Variants in IL33 observed in about 807,000 individuals in gnomAD.
IL33 encodes interleukin 33, also known as interleukin-33.
Under a neutral mutation model 27.3 loss-of-function variants are expected in IL33, and 37 were observed. The observed-to-expected ratio is 1.36, with a 90% CI of 1.04 to 1.78. The LOEUF (loss-of-function observed/expected upper bound fraction) is 1.78. IL33 is among the 40% of genes most tolerant of loss of function. The probability of loss-of-function intolerance (pLI) is 0.00; values close to 1 mark genes in which losing one functional copy is unlikely to be tolerated. For synonymous variants in IL33, 132 were observed against 102.9 expected, an observed-to-expected ratio of 1.28 and a Z score of -1.71; for missense variants, 406 against 311.4, an observed-to-expected ratio of 1.30 and a Z score of -2.29.
chr9:6,239,968 G>A (rs976107324), intron 1 of IL33, among the ~76,000 whole-genome samples: 1 of 152,068 alleles, frequency 6.6e-6, no homozygotes, highest in Non-Finnish European at 1.5e-5. Flanking sequence ...CATTCCATAG[G>A]TTTTCTCATG....
Position 6,256,194 on chromosome 9 carries a change from T to TAC in IL33, c.*26_*27insAC. ...TTGATGGAAACCTGTGAGTCTTGGG[T>TAC]TGAGTACCCAAATGCTACCACTGGA... On this transcript the variant is annotated 3_prime_UTR_variant, in exon 8 of 8. Transcript: ENST00000682010. 6.5e-7 allele frequency: 1 copy of TAC among 1,541,042 alleles called. No homozygotes were observed. Among genetic ancestry groups the TAC allele is most frequent in the Non-Finnish European group, 9.0e-7 (1 of 1,115,218 alleles).
chr9:6,233,599 G>T lies in IL33; in HGVS notation c.-11-8085G>T, dbSNP rs540805652. ...AACAAACATATTGAGTCTCTACTGTGCACCAGCTACTGTGCTAAGCGCTGA... is the reference window on the plus strand; with the variant it reads ...AACAAACATATTGAGTCTCTACTGTTCACCAGCTACTGTGCTAAGCGCTGA... On this transcript the variant is annotated intron_variant, in intron 1 of 7. Transcript: ENST00000682010. 3.3e-5 allele frequency among the ~76,000 whole-genome samples: 5 copies of T among 152,218 alleles called. No homozygotes were observed. In the East Asian group the frequency reaches 9.6e-4, roughly 29 times the overall value.
chr9:6,234,946 G>A (rs1292816133), intron 1 of IL33, among the ~76,000 whole-genome samples: 1 of 152,158 alleles, frequency 6.6e-6, no homozygotes, highest in South Asian at 2.1e-4. Context: ...AACATAACAT[G>A]TGAAACTTCA....
At chr9:6,243,871 C>CAGGGAAG (rs1224853041) in intron 2 of IL33, among the ~76,000 whole-genome samples, 1 of 152,186 alleles carries the variant, frequency 6.6e-6, no homozygotes, top group African/African-American at 2.4e-5. Flanking sequence ...ATTCTGTCTT[C>CAGGGAAG]CCTGAGGCTG....
chr9:6,224,998 T>C (rs1818567952), intron 1 of IL33, among the ~76,000 whole-genome samples: 1 of 152,184 alleles, frequency 6.6e-6, no homozygotes, highest in African/African-American at 2.4e-5. Flanking sequence ...GCAAAGCCTT[T>C]GTATATGCTG....
rs1158003583 is a variant in IL33 at position 6,256,398 on chromosome 9, G to A, written c.*230G>A. ...TACAAGTATCAGTATATTAAATAGGGTATTGGTAAAGAAACGGTCAACATT... is the reference window on the plus strand; with the variant it reads ...TACAAGTATCAGTATATTAAATAGGATATTGGTAAAGAAACGGTCAACATT... On this transcript the variant is annotated 3_prime_UTR_variant, in exon 8 of 8. Coordinates refer to ENST00000682010, the MANE Select transcript of IL33 (RefSeq NM_033439.4). The A allele has an allele frequency of 1.9e-6, 1 of 523,258 alleles. No individual in the cohort carries two copies. Among genetic ancestry groups the A allele is most frequent in the Non-Finnish European group, 3.3e-6 (1 of 300,126 alleles). The allele number at this position is 523,258 out of a possible 1,614,324, so 32.4% of individuals were successfully genotyped here.
At chr9:6,230,828 A>G (rs562799826) in intron 1 of IL33, among the ~76,000 whole-genome samples, 1 of 152,176 alleles carries the variant, frequency 6.6e-6, no homozygotes. Context: ...ATTATGCCCC[A>G]TTCTACCAAT....
intron 1 of IL33, among the ~76,000 whole-genome samples, chr9:6,223,359 A>G (rs1176313207): frequency 6.6e-6 from 1 of 152,100 alleles, no homozygotes; most frequent in African/African-American, 2.4e-5. Context: ...CAGTACTATT[A>G]CTGGTAATCT....
intron 1 of IL33, among the ~76,000 whole-genome samples, chr9:6,234,455 G>C (rs1819082050): frequency 1.3e-5 from 2 of 152,206 alleles, no homozygotes; most frequent in African/African-American, 4.8e-5. Context: ...GTCCAGAGCA[G>C]GTACACCCAC....
chr9:6,232,669 A>G (rs2130211156), intron 1 of IL33, among the ~76,000 whole-genome samples: 1 of 152,248 alleles, frequency 6.6e-6, no homozygotes, highest in African/African-American at 2.4e-5. Context: ...TTCTAACCCC[A>G]TCCCCAACCC....
intron 1 of IL33, among the ~76,000 whole-genome samples, chr9:6,228,621 C>A (rs1028080485): frequency 6.6e-6 from 1 of 151,736 alleles, no homozygotes; most frequent in Non-Finnish European, 1.5e-5. Flanking sequence ...CTCTGGGAAG[C>A]CAAGGTGGAA....
rs1024992637 is a variant in IL33 at position 6,257,204 on chromosome 9, A to T, written c.*1036A>T. The T allele has an allele frequency of 6.6e-6, 1 of 152,086 alleles. No homozygotes were observed. The highest frequency in any genetic ancestry group is 6.6e-5 in the Admixed American group (1 of 15,266). 9.4% of individuals were successfully genotyped at this position (152,086 alleles called of 1,614,324 possible). On this transcript the variant is annotated 3_prime_UTR_variant, in exon 8 of 8. Transcript: ENST00000682010. ...CAGGGACCTATGTCTTTTAATACTC[A>T]CTGTCACATTGGGCAAAGTTGCTTC...
intron 1 of IL33, among the ~76,000 whole-genome samples, chr9:6,237,637 A>C (rs553439952): frequency 6.6e-6 from 1 of 152,350 alleles, no homozygotes; most frequent in East Asian, 1.9e-4. Flanking sequence ...GTCTTCAATA[A>C]AGGACTATCA....
chr9:6,230,100 G>A (rs889374556), intron 1 of IL33, among the ~76,000 whole-genome samples: 1 of 152,154 alleles, frequency 6.6e-6, no homozygotes, highest in South Asian at 2.1e-4. Context: ...AAAGTTGATG[G>A]GGCAGGTAGT....
intron 2 of IL33, among the ~76,000 whole-genome samples, chr9:6,245,696 C>T (rs1443556565): frequency 6.6e-6 from 1 of 152,012 alleles, no homozygotes. Context: ...ATCAAAAAGA[C>T]TTAATGACAG....
intron 1 of IL33, 63 bp from the exon 2 acceptor site, chr9:6,241,621 C>T (rs1819532471): frequency 2.1e-6 from 2 of 937,926 alleles, no homozygotes; most frequent in African/African-American, 1.7e-5. Context: ...GAGCTAGCCA[C>T]AGTTGTTTCC....
At chr9:6,231,766 C>G (rs1017175610) in intron 1 of IL33, among the ~76,000 whole-genome samples, 29 of 152,174 alleles carry the variant, frequency 1.9e-4, no homozygotes, top group African/African-American at 7.0e-4. Context: ...AAATGCAAAT[C>G]CAGCATCATT....
intron 2 of IL33, among the ~76,000 whole-genome samples, chr9:6,249,448 A>G (rs1238776915): frequency 2.0e-5 from 3 of 152,200 alleles, no homozygotes; most frequent in African/African-American, 7.2e-5. Context: ...CCTATGACTC[A>G]TGTGTTACAA....
chr9:6,252,781 T>G, intron 4 of IL33, 85 bp from the exon 5 acceptor site: 1 of 1,535,482 alleles, frequency 6.5e-7, no homozygotes, highest in Non-Finnish European at 8.9e-7. Context: ...CAACTCAAAT[T>G]GCAAAAATGT....
Sources: gnomAD v4.1 joint callset for allele counts (sites outside exome capture counted in the v4.1 genomes callset) on GRCh38, gnomAD v4.1.1 for gene constraint, MANE v1.5 for transcripts, NCBI Gene and HGNC (gene_info 2026-07-23, HGNC 2026-07-21) for gene names.